The following PLXNA1 variants were observed in gnomAD, a reference collection of about 807,000 sequenced individuals.
PLXNA1 encodes the protein plexin A1, also known as plexin-A1.
A neutral mutation model predicts 191.7 loss-of-function variants in PLXNA1; 77 were observed. The ratio of observed to expected loss-of-function variants is 0.40; its 90% CI spans 0.33 to 0.49. PLXNA1 has a LOEUF of 0.49. Among genes scored for constraint, PLXNA1 ranks in the 20% least tolerant of loss-of-function variants. The pLI is 0.63. For synonymous variants in PLXNA1, 1,137 were observed against 1,156.4 expected (o/e 0.98, Z 0.34); for missense variants, 2,110 against 2,660.2 (o/e 0.79, Z 4.55).
rs568481403 is a variant in PLXNA1 at position 127,016,961 on chromosome 3, C to G, written c.3200C>G (p.Thr1067Arg). The change falls in exon 17 of 32, where the codon ACG becomes AGG. Residue 1067 changes from threonine to arginine, a missense_variant. By Grantham distance (71) the Thr-to-Arg change is moderately conservative. This residue lies in a region of PLXNA1 where 644 missense variants were observed against 714.3 expected (regional missense o/e 0.90). Transcript: ENST00000393409. ...WSINSGGTLL[T>R]VTGTNLATVR... ...TGTTCCAGCGGTGGGACCCTCCTGA[C>G]GGTCACAGGCACCAACCTGGCCACT... 3.1e-6 allele frequency: 5 copies of G among 1,613,038 alleles called. No individual in the cohort carries two copies. The highest frequency in any genetic ancestry group is 3.4e-6 in the Non-Finnish European group (4 of 1,179,832).
chr3:127,018,399 C>T lies in PLXNA1; in HGVS notation c.3766C>T (p.Leu1256=). 5 of 1,613,060 alleles carry T rather than the reference C, an allele frequency of 3.1e-6. No individual in the cohort carries two copies. Among genetic ancestry groups the T allele is most frequent in the Non-Finnish European group, 4.2e-6 (5 of 1,179,994 alleles). Residue 1256 remains leucine, a synonymous_variant, in exon 20 of 32, where the codon CTG becomes TTG. Coordinates refer to ENST00000393409, the MANE Select transcript of PLXNA1 (RefSeq NM_032242.4). The part of the protein sequence containing the change: ...IVGIGGGGGL[L]LLVIVAVLIA... ...GGGCATTGGCGGAGGCGGGGGTCTCCTGCTGCTGGTCATCGTGGCTGTGCT... is the reference window on the plus strand; with the variant it reads ...GGGCATTGGCGGAGGCGGGGGTCTCTTGCTGCTGGTCATCGTGGCTGTGCT...
chr3:127,001,501 C>T (rs1334603368), intron 3 of PLXNA1, among the ~76,000 whole-genome samples: 2 of 152,208 alleles, frequency 1.3e-5, no homozygotes, highest in African/African-American at 2.4e-5. Context: ...CTGGGCTTCA[C>T]AGCGGGAAGC....
At chr3:126,996,680 G>A (rs1303643806) in intron 3 of PLXNA1, among the ~76,000 whole-genome samples, 2 of 152,214 alleles carry the variant, frequency 1.3e-5, no homozygotes, top group Non-Finnish European at 2.9e-5. Context: ...GCCGTGGAGA[G>A]GCTGCTGTCC....
intron 9 of PLXNA1, among the ~76,000 whole-genome samples, chr3:127,009,412 G>A (rs576984068): frequency 1.5e-3 from 227 of 152,164 alleles, no homozygotes; most frequent in Non-Finnish European, 2.3e-3. Context: ...GTGTGGGGTC[G>A]CAGGACTATG....
chr3:126,984,157 G>C (rs1471241809), intron 1 of PLXNA1, among the ~76,000 whole-genome samples: 2 of 152,198 alleles, frequency 1.3e-5, no homozygotes, highest in African/African-American at 2.4e-5. Flanking sequence ...GGGACTCCAG[G>C]GAGGCCCCTC....
Position 126,989,161 on chromosome 3 carries a change from C to T in PLXNA1, c.568C>T (p.Pro190Ser). The T allele has an allele frequency of 6.2e-7, 1 of 1,613,436 alleles. No individual in the cohort carries two copies. The highest frequency in any genetic ancestry group is 1.7e-5 in the Admixed American group (1 of 60,034). ...CCAGGCCAAGCTCTTCGTGGGCACA[C>T]CCATCGATGGCAAGTCCGAGTACTT... Reference protein sequence around the residue: ...QGQAKLFVGTPIDGKSEYFPT... With the variant: ...QGQAKLFVGTSIDGKSEYFPT... Residue 190 changes from proline (P) to serine (S), a missense_variant, in exon 2 of 32, where the codon CCC becomes TCC. Pro to Ser is a moderately conservative substitution (Grantham distance 74). Coordinates refer to ENST00000393409, the MANE Select transcript of PLXNA1 (RefSeq NM_032242.4).
In PLXNA1 at chr3:126,986,566, C is replaced by T. The variant is rs182091678; in HGVS notation, c.-73-1955C>T. On this transcript the variant is annotated intron_variant, in intron 1 of 31. Transcript: ENST00000393409. ...GCCCTCCGCATACCCTTCATTCATT[C>T]GCTCACTCACGGGGATTTATTGAGT... 7.8e-3 allele frequency among the ~76,000 whole-genome samples: 1,184 copies of T among 152,298 alleles called. 11 individuals are homozygous for T. Among genetic ancestry groups the T allele is most frequent in the African/African-American group, 0.022 (903 of 41,558 alleles).
Position 127,017,907 on chromosome 3 carries a change from CG to C in PLXNA1, c.3660+20del, listed in dbSNP as rs747475975. The C allele has an allele frequency of 9.9e-6, 16 of 1,611,030 alleles. No individual in the cohort carries two copies. ...ACAAGGTCACGGTGCGTCTGTCCAC[CG>C]GGGGTGCAGAGCTGGGAGAGCCATG... On this transcript the variant is annotated intron_variant, in intron 19 of 31. Transcript: ENST00000393409.
At chr3:127,029,165 A>G (rs961459714) in intron 26 of PLXNA1, 69 bp downstream of exon 26, 9 of 1,247,990 alleles carry the variant, frequency 7.2e-6, no homozygotes, top group Admixed American at 1.9e-5. Context: ...GCAGCCACCA[A>G]TGTTTGCAGC....
In PLXNA1 at chr3:127,014,250, G is replaced by C; in HGVS notation, c.2479G>C (p.Glu827Gln). 6.2e-7 allele frequency: 1 copy of C among 1,601,462 alleles called. No individual in the cohort carries two copies. Among genetic ancestry groups the C allele is most frequent in the Non-Finnish European group, 8.5e-7 (1 of 1,174,778 alleles). Residue 827 changes from glutamate to glutamine, a missense_variant, in exon 12 of 32, where the codon GAG (glutamate) becomes CAG (glutamine). By Grantham distance (29) the Glu-to-Gln change is conservative (BLOSUM62 2). Transcript: ENST00000393409. The stretch of plus-strand genomic sequence containing the variant: ...CTGCCTCAAGGCCGACCCGCGCTTC[G>C]AGTGCGGATGGTGCGTGGCCGAGCG... ...GLCLKADPRF[E>Q]CGWCVAERRC...
rs546444361 is a variant in PLXNA1 at position 127,013,012 on chromosome 3, G to C, written c.2313+854G>C. Among the ~76,000 whole-genome samples, 456 of 152,342 alleles carry C rather than the reference G, an allele frequency of 3.0e-3. 3 individuals carry two copies. The highest frequency in any genetic ancestry group is 5.3e-3 in the Non-Finnish European group (362 of 68,034). ...CCATCCCCTGGAAGCCCTGGGGAGG[G>C]CCTTGATGGGGTCAGAGGTCTGGAG... is the stretch of plus-strand genomic sequence containing the variant. On this transcript the variant is annotated intron_variant, in intron 10 of 31. Coordinates refer to ENST00000393409, the MANE Select transcript of PLXNA1 (RefSeq NM_032242.4).
intron 3 of PLXNA1, among the ~76,000 whole-genome samples, chr3:127,002,501 G>C (rs2079045905): frequency 1.3e-5 from 2 of 152,188 alleles, no homozygotes; most frequent in African/African-American, 4.8e-5. Flanking sequence ...ACAGAGGAGG[G>C]GTACTGAGTC....
chr3:127,032,558 C>G lies in PLXNA1; in HGVS notation c.5403C>G (p.Leu1801=), dbSNP rs1487043081. 1.1e-5 allele frequency: 17 copies of G among 1,613,928 alleles called. No homozygotes were observed. Among genetic ancestry groups the G allele is most frequent in the African/African-American group, 2.7e-5 (2 of 74,926 alleles). ...AGGACTCACCCTCCAACAAGCTGCT[C>G]TACGCCAAGGACATCCCCAACTACA... ...LGKDSPSNKL[L]YAKDIPNYKS... is the part of the protein sequence containing the mutation. Residue 1801 remains leucine (L), a synonymous_variant, in exon 30 of 32, where the codon CTC becomes CTG. Coordinates refer to ENST00000393409, the MANE Select transcript of PLXNA1 (RefSeq NM_032242.4).
chr3:127,027,840 C>G (rs762330246), intron 23 of PLXNA1, 100 bp from the exon 24 acceptor site: 1 of 1,518,014 alleles, frequency 6.6e-7, no homozygotes, highest in East Asian at 2.3e-5. Flanking sequence ...GCTCATTTCT[C>G]CTTGCCAGGA....
Position 127,029,941 on chromosome 3 carries a change from C to T in PLXNA1, c.4938C>T (p.Asp1646=), listed in dbSNP as rs1254641189. The change falls in exon 28 of 32, where the codon GAC becomes GAT. Residue 1646 remains aspartate (D), a synonymous_variant. Coordinates refer to ENST00000393409, the MANE Select transcript of PLXNA1 (RefSeq NM_032242.4). ...CGCGCACGCCCATGATCACGCCCGA[C>T]CTGGAGAGCGGCACCAAGCTGTGGC... The part of the protein sequence containing the change: ...LRSRTPMITP[D]LESGTKLWHL... 6.2e-7 allele frequency: 1 copy of T among 1,613,624 alleles called. No homozygotes were observed. Among genetic ancestry groups the T allele is most frequent in the South Asian group, 1.1e-5 (1 of 91,088 alleles).
intron 3 of PLXNA1, among the ~76,000 whole-genome samples, chr3:126,996,101 C>A (rs2079013673): frequency 6.6e-6 from 1 of 152,174 alleles, no homozygotes; most frequent in Non-Finnish European, 1.5e-5. Flanking sequence ...AGTGGTGGAA[C>A]CTGCAGCAGC....
chr3:126,987,171 C>A (rs2078962927), intron 1 of PLXNA1, among the ~76,000 whole-genome samples: 1 of 152,226 alleles, frequency 6.6e-6, no homozygotes, highest in Non-Finnish European at 1.5e-5. Context: ...GCCCCTTTTG[C>A]AAATGGGGAA....
Position 127,035,807 on chromosome 3 carries a change from T to C in PLXNA1, c.*1790T>C, listed in dbSNP as rs1336286183. 1 of 152,088 alleles carries C rather than the reference T, an allele frequency of 6.6e-6. No homozygotes were observed. The highest frequency in any genetic ancestry group is 1.5e-5 in the Non-Finnish European group (1 of 67,998). The allele number at this position is 152,088 out of a possible 1,614,324, so 9.4% of individuals were successfully genotyped here. ...AGTCTTGCAGTCCGCCCCAGCTGAG[T>C]AGCGTGAGCCAGATGACGCCACAGA... On this transcript the variant is annotated 3_prime_UTR_variant, in exon 32 of 32. Transcript: ENST00000393409.
At chr3:127,009,954 G>A (rs2079087776) in intron 9 of PLXNA1, among the ~76,000 whole-genome samples, 1 of 152,234 alleles carries the variant, frequency 6.6e-6, no homozygotes, top group Non-Finnish European at 1.5e-5. Flanking sequence ...TCTGCAGAAA[G>A]GGAGGAGTGT....
Sources: gnomAD v4.1 joint callset for allele counts (sites outside exome capture counted in the v4.1 genomes callset) on GRCh38, gnomAD v4.1.1 for gene constraint, gnomAD v4.1.1 regional missense constraint, MANE v1.5 for transcripts, NCBI Gene and HGNC (gene_info 2026-07-23, HGNC 2026-07-21) for gene names.